Variants in RHEB observed in about 807,000 individuals in gnomAD.
The protein encoded by RHEB is Ras homolog, mTORC1 binding.
A neutral mutation model predicts 28.8 loss-of-function variants in RHEB; 2 were observed. The observed-to-expected ratio is 0.07, with a 90% confidence interval of 0.03 to 0.22. The LOEUF (loss-of-function observed/expected upper bound fraction) is 0.22. RHEB is among the 10% of genes least tolerant of loss of function. The probability of loss-of-function intolerance (pLI) is 1.00; values close to 1 mark genes in which losing one functional copy is unlikely to be tolerated. For synonymous variants in RHEB, 69 were observed against 77.3 expected (o/e 0.89, Z 0.56); for missense variants, 76 against 219.9 (o/e 0.35, Z 4.14).
In RHEB at chr7:151,472,670, G is replaced by C. The variant is rs1010053533; in HGVS notation, c.276-1065C>G. On this transcript the variant is annotated intron_variant, in intron 4 of 7. Transcript: ENST00000262187. This position sits in a 1 kb window ranked among gnomAD's most constrained non-coding sequence, Gnocchi z 5.2. Reference sequence around the variant, plus strand: ...AGACATCCTATCTCGCATGTGTGTCGTTTTACTGTTTGTCTCCCACACCAG... The same window carrying C: ...AGACATCCTATCTCGCATGTGTGTCCTTTTACTGTTTGTCTCCCACACCAG... Among the ~76,000 whole-genome samples the C allele has an allele frequency of 6.6e-6, 1 of 152,036 alleles. No individual in the cohort carries two copies. Among genetic ancestry groups the C allele is most frequent in the Non-Finnish European group, 1.5e-5 (1 of 68,024 alleles).
chr7:151,504,517 T>A (rs1230570580), intron 1 of RHEB, among the ~76,000 whole-genome samples: 1 of 152,246 alleles, frequency 6.6e-6, no homozygotes. Context: ...TTGCATTTGG[T>A]TGAGGAAAAA....
chr7:151,477,902 G>T (rs1049895127), intron 3 of RHEB, among the ~76,000 whole-genome samples: 10 of 152,086 alleles, frequency 6.6e-5, no homozygotes, highest in African/African-American at 2.4e-4. Flanking sequence ...GGTGCCATCA[G>T]CATCTGAAGG....
rs1239014841 is a variant in RHEB, at chr7:151,468,186, C to T, written c.463-975G>A. Among the ~76,000 whole-genome samples, 1 of 152,204 alleles carries T rather than the reference C, an allele frequency of 6.6e-6. No individual in the cohort carries two copies. The highest frequency in any genetic ancestry group is 1.5e-5 in the Non-Finnish European group (1 of 68,040). On this transcript the variant is annotated intron_variant, in intron 7 of 7. Transcript: ENST00000262187. The surrounding 1 kb of genome is among the most constrained non-coding windows in gnomAD (Gnocchi z 4.3). ...CCAGAACACACCAACTGCCAGCGTC[C>T]CACCACACCACCTTCCCAGCTCTTT...
At chr7:151,506,162 AT>A (rs941039314) in intron 1 of RHEB, among the ~76,000 whole-genome samples, 1 of 150,476 alleles carries the variant, frequency 6.6e-6, no homozygotes, top group Non-Finnish European at 1.5e-5. Flanking sequence ...GGAAAAAAAG[AT>A]TTTTTTTAAA....
rs557031341 is a variant in RHEB at position 151,494,122 on chromosome 7, A to G, written c.53-3108T>C. On this transcript the variant is annotated intron_variant, in intron 1 of 7. Coordinates refer to ENST00000262187, the MANE Select transcript of RHEB (RefSeq NM_005614.4). Reference sequence around the variant, plus strand: ...AAGCGATCATTTTCTCCCTAAAGATATGGGCAAGAGTTACAAAGAAAAAAG... The same window carrying G: ...AAGCGATCATTTTCTCCCTAAAGATGTGGGCAAGAGTTACAAAGAAAAAAG... Among the ~76,000 whole-genome samples, 5 of 152,296 alleles carry G rather than the reference A, an allele frequency of 3.3e-5. No individual in the cohort carries two copies. The South Asian group carries it at 1.0e-3, about 32-fold the overall frequency.
intron 1 of RHEB, chr7:151,518,016 G>C (rs1803112550): frequency 6.6e-6 from 1 of 152,158 alleles, no homozygotes; most frequent in Non-Finnish European, 1.5e-5. Context: ...ATAAAGGCTG[G>C]ATCCCAGGTT....
At chr7:151,506,144 T>G (rs1262289085) in intron 1 of RHEB, among the ~76,000 whole-genome samples, 1 of 152,078 alleles carries the variant, frequency 6.6e-6, no homozygotes, top group Non-Finnish European at 1.5e-5. Context: ...CTCAATAAAC[T>G]TGATTTAGGA....
rs1802774588 is a variant in RHEB at position 151,501,730 on chromosome 7, C to T, written c.53-10716G>A. 6 of 224,162 alleles carry T rather than the reference C, an allele frequency of 2.7e-5. No individual in the cohort carries two copies. In the South Asian group the frequency reaches 4.3e-4, roughly 16 times the overall value. The allele number at this position is 224,162 out of a possible 1,614,324, so 13.9% of individuals were successfully genotyped here. A position where few individuals can be genotyped will look rare whatever the true frequency, so the allele number is the denominator to read the frequency against. ...AATTATGTTAAACCCATCCCGCAGC[C>T]TTGTGCTCCGCCCCTGGCGGAGGAA... is the stretch of plus-strand genomic sequence containing the variant. On this transcript the variant is annotated intron_variant, in intron 1 of 7. Coordinates refer to ENST00000262187, the MANE Select transcript of RHEB (RefSeq NM_005614.4).
At chr7:151,493,903 AC>A (rs1385437991) in intron 1 of RHEB, among the ~76,000 whole-genome samples, 1 of 152,140 alleles carries the variant, frequency 6.6e-6, no homozygotes, top group East Asian at 1.9e-4. Context: ...TAAAAAAAAA[AC>A]AAACTGTTAT....
intron 1 of RHEB, among the ~76,000 whole-genome samples, chr7:151,513,304 C>T (rs190864928): frequency 6.6e-6 from 1 of 152,254 alleles, no homozygotes; most frequent in South Asian, 2.1e-4. Flanking sequence ...ATGTGAATAG[C>T]TGGCAGACAT....
In RHEB at chr7:151,490,912, C is replaced by T. The variant is rs1584857436; in HGVS notation, c.124+31G>A. 4 of 1,511,290 alleles carry T rather than the reference C, an allele frequency of 2.6e-6. No individual in the cohort carries two copies. The East Asian group carries it at 6.8e-5, about 26-fold the overall frequency. The allele number at this position is 1,511,290 out of a possible 1,614,324, so 93.6% of individuals were successfully genotyped here. ...CTATTTTACACAAAAGAAGGCTTCT[C>T]AGTTTTTAAGTACTTGAAAACAATA... On this transcript the variant is annotated intron_variant, in intron 2 of 7. Coordinates refer to ENST00000262187, the MANE Select transcript of RHEB (RefSeq NM_005614.4).
chr7:151,512,822 T>C (rs139023270), intron 1 of RHEB, among the ~76,000 whole-genome samples: 81 of 152,350 alleles, frequency 5.3e-4, no homozygotes, highest in Middle Eastern at 3.4e-3. Context: ...CCAAAATCTT[T>C]TCAGGGGTCT....
chr7:151,494,485 T>C (rs945451118), intron 1 of RHEB, among the ~76,000 whole-genome samples: 1 of 152,384 alleles, frequency 6.6e-6, no homozygotes, highest in East Asian at 1.9e-4. Context: ...TGTATCACAA[T>C]GGGCATACAC....
intron 1 of RHEB, among the ~76,000 whole-genome samples, chr7:151,512,865 A>C (rs947069628): frequency 1.3e-5 from 2 of 152,220 alleles, no homozygotes; most frequent in African/African-American, 4.8e-5. Context: ...TAGCAATATT[A>C]AGTTATCATT....
At chr7:151,477,215 A>G in intron 4 of RHEB, 118 bp downstream of exon 4, 1 of 725,592 alleles carries the variant, frequency 1.4e-6, no homozygotes, top group Non-Finnish European at 2.3e-6. Context: ...AAATCACTAA[A>G]AAACATGTAG....
intron 1 of RHEB, chr7:151,502,311 AC>A: frequency 1.3e-6 from 1 of 788,072 alleles, no homozygotes; most frequent in Non-Finnish European, 2.2e-6. Context: ...CCTCCCAAAG[AC>A]CAGATTTCAC....
At position 151,517,546 on chromosome 7, in the gene RHEB, AAGTT is replaced by A. The variant is rs527733067; in HGVS notation, c.52+1910_52+1913del. Among the ~76,000 whole-genome samples the A allele has an allele frequency of 5.1e-4, 78 of 152,208 alleles. 1 individual carries two copies. The East Asian group carries it at 0.01, about 20-fold the overall frequency. The stretch of plus-strand genomic sequence containing the variant: ...GTGACCCTGTATCCCACCGGAGACT[AAGTT>A]AGCACAGTATTTAACAAGCAACAGT... On this transcript the variant is annotated intron_variant, in intron 1 of 7. Coordinates refer to ENST00000262187, the MANE Select transcript of RHEB (RefSeq NM_005614.4).
At chr7:151,492,619 A>T (rs1454326902) in intron 1 of RHEB, among the ~76,000 whole-genome samples, 1 of 133,284 alleles carries the variant, frequency 7.5e-6, no homozygotes, top group East Asian at 2.0e-4. Flanking sequence ...TCTGTCTTAT[A>T]AAAAAAAAAA....
chr7:151,488,668 A>C (rs988898642), intron 2 of RHEB, among the ~76,000 whole-genome samples: 3 of 152,188 alleles, frequency 2.0e-5, no homozygotes, highest in African/African-American at 7.2e-5. Context: ...ACATATTCAT[A>C]TTTATTTCTG....
Sources: gnomAD v4.1 joint callset for allele counts (sites outside exome capture counted in the v4.1 genomes callset) on GRCh38, gnomAD v4.1.1 for gene constraint, Gnocchi (gnomAD v3.1) non-coding constraint, MANE v1.5 for transcripts, NCBI Gene and HGNC (gene_info 2026-07-23, HGNC 2026-07-21) for gene names.